Variants in ATP9B observed in about 807,000 individuals in gnomAD.
ATP9B encodes ATPase phospholipid transporting 9B.
A neutral mutation model predicts 146.1 loss-of-function variants in ATP9B; 110 were observed. The observed-to-expected ratio is 0.75, with a 90% CI of 0.65 to 0.88. The LOEUF (loss-of-function observed/expected upper bound fraction) is 0.88, where lower values mean the gene tolerates loss of function less well. Ranked by LOEUF, ATP9B falls within the 40% of genes least tolerant of loss-of-function variation. ATP9B has a pLI of 0.00. For synonymous variants in ATP9B, 604 were observed against 569.7 expected (o/e 1.06, Z -0.86); for missense variants, 1,499 against 1,496.4 (o/e 1.00, Z -0.03).
intron 11 of ATP9B, among the ~76,000 whole-genome samples, chr18:79,222,640 G>C (rs1176530247): frequency 6.6e-6 from 1 of 152,174 alleles, no homozygotes; most frequent in Non-Finnish European, 1.5e-5. Context: ...AAAATTCTGA[G>C]ATTAAAAAGA....
intron 25 of ATP9B, among the ~76,000 whole-genome samples, chr18:79,355,116 G>A (rs1198204385): frequency 6.6e-6 from 1 of 152,258 alleles, no homozygotes; most frequent in Admixed American, 6.5e-5. Context: ...CGCATGGGGA[G>A]CCTTAACCCC....
chr18:79,363,497 G>A (rs941141990), intron 26 of ATP9B: 1 of 151,916 alleles, frequency 6.6e-6, no homozygotes, highest in African/African-American at 2.4e-5. Flanking sequence ...TGGATTGAGA[G>A]GCATAAACAG....
At chr18:79,348,733 T>G (rs552279282) in intron 25 of ATP9B, among the ~76,000 whole-genome samples, 3 of 152,236 alleles carry the variant, frequency 2.0e-5, no homozygotes, top group African/African-American at 7.2e-5. Context: ...CCCAGCACTT[T>G]GGGAGGCTGA....
At chr18:79,280,726 A>G (rs1274540157) in intron 13 of ATP9B, among the ~76,000 whole-genome samples, 1 of 151,842 alleles carries the variant, frequency 6.6e-6, no homozygotes, top group Non-Finnish European at 1.5e-5. Flanking sequence ...CACAAATTTG[A>G]TACATACTAG....
intron 12 of ATP9B, among the ~76,000 whole-genome samples, chr18:79,274,939 T>C (rs1181166589): frequency 6.6e-6 from 1 of 152,240 alleles, no homozygotes; most frequent in Non-Finnish European, 1.5e-5. Context: ...CCCCTCGTGA[T>C]TGAGGAGCAG....
intron 17 of ATP9B, among the ~76,000 whole-genome samples, chr18:79,334,976 C>T (rs1181131198): frequency 1.3e-5 from 2 of 152,202 alleles, no homozygotes; most frequent in African/African-American, 2.4e-5. Flanking sequence ...TGCAGGAACA[C>T]GTGCCCTCAC....
rs770728086 is a variant in ATP9B at position 79,330,067 on chromosome 18, C to G, written c.1991C>G (p.Ser664Cys). 1 of 1,614,146 alleles carries G rather than the reference C, an allele frequency of 6.2e-7. No homozygotes were observed. Among genetic ancestry groups the G allele is most frequent in the Non-Finnish European group, 8.5e-7 (1 of 1,180,014 alleles). The change falls in exon 17 of 30, where the codon TCT (serine) becomes TGT (cysteine). Residue 664 changes from serine (S) to cysteine (C), a missense_variant. Transcript: ENST00000426216. The stretch of plus-strand genomic sequence containing the variant: ...ATGAAGGGCGCTGACGTGGCCATGT[C>G]TCCTATCGTGCAGTATAATGACTGG... Reference protein sequence around the residue: ...FYMKGADVAMSPIVQYNDWLE... With the variant: ...FYMKGADVAMCPIVQYNDWLE...
At chr18:79,127,033 T>G (rs2094298752) in intron 5 of ATP9B, among the ~76,000 whole-genome samples, 1 of 152,180 alleles carries the variant, frequency 6.6e-6, no homozygotes, top group Admixed American at 6.6e-5. Flanking sequence ...AGGGAGACAC[T>G]GAAAAACTGA....
chr18:79,336,732 C>CCCAT, intron 18 of ATP9B, 21 bp downstream of exon 18: 1 of 1,611,014 alleles, frequency 6.2e-7, no homozygotes, highest in Non-Finnish European at 8.5e-7. Context: ...TCCCAGCCAT[C>CCCAT]CCATCCTCCT....
At chr18:79,117,554 GGGA>G (rs2094108990) in intron 4 of ATP9B, 1 of 152,184 alleles carries the variant, frequency 6.6e-6, no homozygotes, top group Non-Finnish European at 1.5e-5. Context: ...GCTCCAGGGT[GGGA>G]GGAGGTCATC....
chr18:79,207,297 T>G (rs1406161467), intron 10 of ATP9B, among the ~76,000 whole-genome samples: 6 of 152,198 alleles, frequency 3.9e-5, no homozygotes, highest in Non-Finnish European at 7.3e-5. Flanking sequence ...GACCTGTTTC[T>G]TGACAAACTT....
rs190672098 is a variant in ATP9B at position 79,226,787 on chromosome 18, A to G, written c.1107+12749A>G. Among the ~76,000 whole-genome samples the G allele has an allele frequency of 1.8e-3, 279 of 152,330 alleles. 1 individual carries two copies. Among genetic ancestry groups the G allele is most frequent in the Middle Eastern group, 3.4e-3 (1 of 294 alleles). On this transcript the variant is annotated intron_variant, in intron 11 of 29. Coordinates refer to ENST00000426216, the MANE Select transcript of ATP9B (RefSeq NM_198531.5). ...TCTTTAATAAAAATGGAAAGTTTGC[A>G]GTGCTCTACGGGATAAGTGCTCTGG...
intron 13 of ATP9B, among the ~76,000 whole-genome samples, chr18:79,296,761 T>C (rs2096551496): frequency 6.6e-6 from 1 of 152,202 alleles, no homozygotes; most frequent in South Asian, 2.1e-4. Context: ...CTTTTTTGGC[T>C]GCTATTTAGG....
chr18:79,345,966 C>T (rs762679113), intron 23 of ATP9B, 127 bp downstream of exon 23: 28 of 1,046,160 alleles, frequency 2.7e-5, no homozygotes, highest in South Asian at 1.4e-4. Context: ...GCTTAGCGTA[C>T]GCTCGGTCAG....
At chr18:79,361,284 A>C (rs1237038020) in intron 26 of ATP9B, 1 of 152,138 alleles carries the variant, frequency 6.6e-6, no homozygotes, top group Non-Finnish European at 1.5e-5. Context: ...TTCTTTGTGG[A>C]TATCTAAATG....
At chr18:79,236,897 C>T (rs1187844218) in intron 11 of ATP9B, among the ~76,000 whole-genome samples, 1 of 118,294 alleles carries the variant, frequency 8.5e-6, no homozygotes, top group Non-Finnish European at 1.8e-5. Context: ...GCCCCTTCCC[C>T]CTTCCCCACT....
At position 79,286,174 on chromosome 18, in the gene ATP9B, T is replaced by C. The variant is rs1268686629; in HGVS notation, c.1411+8978T>C. 8.9e-3 allele frequency among the ~76,000 whole-genome samples: 1,343 copies of C among 151,530 alleles called. 9 individuals are homozygous for C. Among genetic ancestry groups the C allele is most frequent in the African/African-American group, 0.023 (948 of 41,386 alleles). ...GTGAAGAAAGTCATTGGTAGCTTGA[T>C]GGGGATGGCATTGAATCTATAAATT... On this transcript the variant is annotated intron_variant, in intron 13 of 29. Coordinates refer to ENST00000426216, the MANE Select transcript of ATP9B (RefSeq NM_198531.5).
intron 12 of ATP9B, among the ~76,000 whole-genome samples, chr18:79,272,790 C>T (rs1253420509): frequency 6.6e-6 from 1 of 152,262 alleles, no homozygotes; most frequent in Admixed American, 6.5e-5. Context: ...TGTTATGCAT[C>T]ATTCCTAATC....
At chr18:79,341,379 G>A (rs958395589) in intron 19 of ATP9B, among the ~76,000 whole-genome samples, 3 of 124,488 alleles carry the variant, frequency 2.4e-5, no homozygotes, top group Non-Finnish European at 5.1e-5. Context: ...GGTTGGATGT[G>A]TGTAGCGTGA....
Sources: allele counts gnomAD v4.1 joint callset (sites outside exome capture counted in the v4.1 genomes callset), GRCh38; gene constraint gnomAD v4.1.1; transcripts MANE v1.5; gene names NCBI Gene and HGNC (gene_info 2026-07-23, HGNC 2026-07-21).